The following PHACTR3 variants were observed in gnomAD, a reference collection of about 807,000 sequenced individuals.
PHACTR3 encodes the protein protein phosphatase 1, regulatory subunit 123.
PHACTR3 carries 16 observed loss-of-function variants against 66.8 expected under a neutral mutation model. The observed-to-expected ratio is 0.24, with a 90% CI of 0.16 to 0.36. The LOEUF (loss-of-function observed/expected upper bound fraction) is 0.36. Ranked by LOEUF, PHACTR3 falls within the 10% of genes least tolerant of loss-of-function variation. PHACTR3 has a pLI of 1.00. For missense variants in PHACTR3, 647 were observed against 719.9 expected, an observed-to-expected ratio of 0.90 and a Z score of 1.16; for synonymous variants, 323 against 292.1, an observed-to-expected ratio of 1.11 and a Z score of -1.08.
intron 9 of PHACTR3, among the ~76,000 whole-genome samples, chr20:59,839,696 T>G (rs897944128): frequency 6.6e-6 from 1 of 152,170 alleles, no homozygotes; most frequent in Non-Finnish European, 1.5e-5. Context: ...ATGTTAATAG[T>G]CACAACTTAC....
At chr20:59,644,775 C>G (rs6027015) in intron 1 of PHACTR3, among the ~76,000 whole-genome samples, 6 of 152,282 alleles carry the variant, frequency 3.9e-5, no homozygotes, top group African/African-American at 1.4e-4. Flanking sequence ...TCTCCTGCAC[C>G]CTGCGCCTTC....
At chr20:59,800,078 A>T (rs2041368639) in intron 7 of PHACTR3, among the ~76,000 whole-genome samples, 1 of 152,180 alleles carries the variant, frequency 6.6e-6, no homozygotes, top group Non-Finnish European at 1.5e-5. Context: ...TGACCTCACC[A>T]GAGTATACTT....
At chr20:59,686,542 GTC>G (rs1307401716) in intron 1 of PHACTR3, among the ~76,000 whole-genome samples, 4 of 149,136 alleles carry the variant, frequency 2.7e-5, no homozygotes, top group African/African-American at 9.7e-5. Flanking sequence ...GATGATGATG[GTC>G]GTGATGATGA....
intron 2 of PHACTR3, among the ~76,000 whole-genome samples, chr20:59,747,043 T>C (rs372193863): frequency 2.0e-4 from 31 of 152,184 alleles, no homozygotes; most frequent in African/African-American, 6.7e-4. Context: ...AAGAAGATGA[T>C]TGTGGAGCAG....
chr20:59,755,501 C>T (rs916276371), intron 4 of PHACTR3, 137 bp downstream of exon 4: 2 of 999,616 alleles, frequency 2.0e-6, no homozygotes, highest in African/African-American at 1.6e-5. Flanking sequence ...GCTCTAAGCG[C>T]TGCCATGCTG....
chr20:59,605,250 C>T (rs2033619060), intron 1 of PHACTR3, 118 bp downstream of exon 1: 3 of 646,780 alleles, frequency 4.6e-6, no homozygotes, highest in African/African-American at 3.8e-5. Flanking sequence ...CGGCAGGAAC[C>T]CGCGCTCGGC....
intron 1 of PHACTR3, among the ~76,000 whole-genome samples, chr20:59,607,448 G>A (rs904702872): frequency 8.5e-5 from 13 of 152,208 alleles, no homozygotes; most frequent in Non-Finnish European, 1.5e-5. Flanking sequence ...CTCACACAGA[G>A]TTAAGAAGCA....
intron 1 of PHACTR3, among the ~76,000 whole-genome samples, chr20:59,624,998 A>G (rs947004906): frequency 1.3e-5 from 2 of 152,140 alleles, no homozygotes; most frequent in African/African-American, 2.4e-5. Context: ...TCTGGACATC[A>G]TGTACCTTCA....
At chr20:59,730,507 T>C (rs916359450) in intron 1 of PHACTR3, among the ~76,000 whole-genome samples, 3 of 152,116 alleles carry the variant, frequency 2.0e-5, no homozygotes, top group African/African-American at 7.2e-5. Flanking sequence ...GCTTGCTTGC[T>C]TGCGGGGTAG....
At chr20:59,701,079 A>G (rs1028477975) in intron 1 of PHACTR3, among the ~76,000 whole-genome samples, 1 of 152,182 alleles carries the variant, frequency 6.6e-6, no homozygotes, top group Admixed American at 6.5e-5. Flanking sequence ...TGTGTGTACC[A>G]TTGCGTCCAG....
chr20:59,599,685 G>GAAAGC (rs111510579), upstream of PHACTR3, among the ~76,000 whole-genome samples: 1 of 151,796 alleles, frequency 6.6e-6, no homozygotes, highest in Admixed American at 6.6e-5. Flanking sequence ...TAGTTAACTA[G>GAAAGC]AAAACAAAAC....
At chr20:59,816,618 T>C (rs969842870) in intron 8 of PHACTR3, among the ~76,000 whole-genome samples, 1 of 152,204 alleles carries the variant, frequency 6.6e-6, no homozygotes, top group Non-Finnish European at 1.5e-5. Context: ...ACCTAGGCAG[T>C]AGACTTTCCT....
chr20:59,614,269 C>T (rs951556434), intron 1 of PHACTR3, among the ~76,000 whole-genome samples: 3 of 152,250 alleles, frequency 2.0e-5, no homozygotes, highest in Non-Finnish European at 2.9e-5. Flanking sequence ...CAGACGTATA[C>T]ATACCTGTAG....
At chr20:59,592,543 A>C (rs1438917801) in intron 1 of PHACTR3, among the ~76,000 whole-genome samples, 1 of 152,224 alleles carries the variant, frequency 6.6e-6, no homozygotes, top group Non-Finnish European at 1.5e-5. Flanking sequence ...ATTTTTTTAA[A>C]GACAAAATGA....
intron 1 of PHACTR3, among the ~76,000 whole-genome samples, chr20:59,742,749 C>T (rs570040163): frequency 6.6e-6 from 1 of 152,264 alleles, no homozygotes; most frequent in East Asian, 1.9e-4. Flanking sequence ...GGCAGAGAAG[C>T]GGCTGGGAGG....
rs984320160 is a variant in PHACTR3, at chr20:59,618,217, C to T, written c.118+13085C>T. Among the ~76,000 whole-genome samples, 13 of 152,168 alleles carry T rather than the reference C, an allele frequency of 8.5e-5. 1 individual carries two copies. The highest frequency in any genetic ancestry group is 3.4e-3 in the Middle Eastern group (1 of 294). ...AGGCAAGAGAGAAGCAGGAGTATGG[C>T]GGGATGGGGCTGCAGGGGAGCTGGG... On this transcript the variant is annotated intron_variant, in intron 1 of 12. Coordinates refer to ENST00000371015, the MANE Select transcript of PHACTR3 (RefSeq NM_080672.5).
In PHACTR3 at chr20:59,743,235, A is replaced by C; in HGVS notation, c.247A>C (p.Lys83Gln). The C allele has an allele frequency of 1.2e-6, 2 of 1,614,114 alleles. No homozygotes were observed. Among genetic ancestry groups the C allele is most frequent in the South Asian group, 2.2e-5 (2 of 91,084 alleles). Residue 83 changes from lysine to glutamine, a missense_variant, in exon 2 of 13, where the codon AAG becomes CAG. Transcript: ENST00000371015. ...RIFKPWKWRK[K>Q]KNEKLKQTTS... ...CTTCAAACCCTGGAAATGGAGGAAA[A>C]AGAAAAACGAAAAACTGAAGCAGAC... is the stretch of plus-strand genomic sequence containing the variant.
chr20:59,690,687 G>C (rs903443715), intron 1 of PHACTR3, among the ~76,000 whole-genome samples: 1 of 152,142 alleles, frequency 6.6e-6, no homozygotes, highest in Admixed American at 6.5e-5. Context: ...CTCACTGGCT[G>C]GATGAAGCAT....
intron 1 of PHACTR3, among the ~76,000 whole-genome samples, chr20:59,620,573 G>A (rs887198857): frequency 6.6e-6 from 1 of 152,116 alleles, no homozygotes; most frequent in Non-Finnish European, 1.5e-5. Context: ...TTTTTAAATC[G>A]AGTATATGCG....
Sources: allele counts gnomAD v4.1 joint callset (sites outside exome capture counted in the v4.1 genomes callset), GRCh38; gene constraint gnomAD v4.1.1; transcripts MANE v1.5; gene names NCBI Gene and HGNC (gene_info 2026-07-23, HGNC 2026-07-21).